Variants in NTM observed in about 807,000 individuals in gnomAD.
The protein encoded by NTM is IgLON family member 2.
A neutral mutation model predicts 42.1 loss-of-function variants in NTM; 13 were observed. The observed-to-expected ratio is 0.31, with a 90% CI of 0.20 to 0.49. The LOEUF is 0.49. NTM is among the 20% of genes least tolerant of loss of function. The pLI, the probability that NTM is intolerant of heterozygous loss-of-function variation, is 0.99. For synonymous variants in NTM, 187 were observed against 179.2 expected (o/e 1.04, Z -0.35); for missense variants, 373 against 452.8 (o/e 0.82, Z 1.60).
intron 2 of NTM, among the ~76,000 whole-genome samples, chr11:132,107,938 C>A (rs1263656421): frequency 2.0e-5 from 3 of 152,220 alleles, no homozygotes; most frequent in Admixed American, 2.0e-4. Flanking sequence ...TTTGCTCCAA[C>A]ATCTCCACTG....
intron 1 of NTM, among the ~76,000 whole-genome samples, chr11:131,511,022 T>A (rs1318010636): frequency 1.4e-4 from 21 of 152,004 alleles, no homozygotes; most frequent in Admixed American, 1.4e-3. Flanking sequence ...GAAGTCACCC[T>A]CTCGGGAACT....
In NTM at chr11:132,090,426, C is replaced by T. The variant is rs574796050; in HGVS notation, c.168-55856C>T. ...TACCCAGGGTATGAGTCTTCCAGTG[C>T]CCCACCCTCTCAGTGTTACCTTCCC... is the stretch of plus-strand genomic sequence containing the variant. On this transcript the variant is annotated intron_variant, in intron 2 of 8. Coordinates refer to ENST00000683400, the MANE Select transcript of NTM (RefSeq NM_001352005.2). Among the ~76,000 whole-genome samples, 352 of 152,194 alleles carry T rather than the reference C, an allele frequency of 2.3e-3. 5 individuals are homozygous for T. Among genetic ancestry groups the T allele is most frequent in the African/African-American group, 7.9e-3 (327 of 41,544 alleles).
intron 1 of NTM, among the ~76,000 whole-genome samples, chr11:131,399,443 G>A (rs975012970): frequency 6.6e-6 from 1 of 152,162 alleles, no homozygotes; most frequent in African/African-American, 2.4e-5. Flanking sequence ...TAGGTGCTAG[G>A]TACAACCCCA....
At chr11:132,310,860 A>T (rs574273892) in intron 6 of NTM, among the ~76,000 whole-genome samples, 1 of 152,208 alleles carries the variant, frequency 6.6e-6, no homozygotes, top group Admixed American at 6.5e-5. Context: ...ATCAAATGAC[A>T]TATCAGTGCA....
chr11:131,743,713 T>C (rs1247462274), intron 1 of NTM, among the ~76,000 whole-genome samples: 1 of 152,160 alleles, frequency 6.6e-6, no homozygotes, highest in African/African-American at 2.4e-5. Flanking sequence ...CAAAAAGCAA[T>C]AAGAATAGGA....
At chr11:132,059,722 C>T (rs1191884973) in intron 2 of NTM, among the ~76,000 whole-genome samples, 1 of 151,916 alleles carries the variant, frequency 6.6e-6, no homozygotes, top group Non-Finnish European at 1.5e-5. Context: ...CGAATCCTCC[C>T]CCGCCCCACA....
chr11:131,932,343 A>G (rs2058718893), intron 2 of NTM, among the ~76,000 whole-genome samples: 1 of 152,226 alleles, frequency 6.6e-6, no homozygotes, highest in Admixed American at 6.5e-5. Flanking sequence ...TCCCTTGCTT[A>G]TCGGTATAGT....
At chr11:131,621,542 A>G (rs2062542923) in intron 1 of NTM, among the ~76,000 whole-genome samples, 1 of 149,882 alleles carries the variant, frequency 6.7e-6, no homozygotes, top group Non-Finnish European at 1.5e-5. Flanking sequence ...GTGTGTGCCT[A>G]TAATCCCAGC....
intron 4 of NTM, among the ~76,000 whole-genome samples, chr11:132,290,398 G>A (rs2094417036): frequency 6.6e-6 from 1 of 152,116 alleles, no homozygotes; most frequent in Non-Finnish European, 1.5e-5. Context: ...GGGCTAAAGA[G>A]TCAGCTATGT....
chr11:131,607,514 T>A (rs2061074891), intron 1 of NTM, among the ~76,000 whole-genome samples: 2 of 152,210 alleles, frequency 1.3e-5, no homozygotes, highest in Admixed American at 1.3e-4. Flanking sequence ...ATTGCAACTT[T>A]GTCATTTTTC....
intron 2 of NTM, among the ~76,000 whole-genome samples, chr11:132,084,671 TAGAA>T (rs1193643582): frequency 2.0e-5 from 3 of 152,360 alleles, no homozygotes; most frequent in African/African-American, 7.2e-5. Flanking sequence ...AAAATTATTT[TAGAA>T]AGACAAAAAC....
chr11:132,124,829 A>T (rs573844286), intron 2 of NTM, among the ~76,000 whole-genome samples: 21 of 152,290 alleles, frequency 1.4e-4, no homozygotes, highest in Non-Finnish European at 2.6e-4. Context: ...AAACAAAAAA[A>T]CAACAACATA....
intron 2 of NTM, among the ~76,000 whole-genome samples, chr11:131,976,660 A>G (rs1354641164): frequency 6.6e-6 from 1 of 152,204 alleles, no homozygotes; most frequent in South Asian, 2.1e-4. Flanking sequence ...AATAGTAAAA[A>G]TAAAATGTCC....
At chr11:131,724,606 G>A (rs1380756947) in intron 1 of NTM, among the ~76,000 whole-genome samples, 3 of 152,170 alleles carry the variant, frequency 2.0e-5, no homozygotes, top group South Asian at 2.1e-4. Context: ...GTAGTTTATC[G>A]TAGCCCACTA....
chr11:131,956,591 G>A (rs935930411), intron 2 of NTM, among the ~76,000 whole-genome samples: 1 of 151,820 alleles, frequency 6.6e-6, no homozygotes, highest in African/African-American at 2.4e-5. Context: ...TCCTTTCATC[G>A]GTGTCTCGGG....
chr11:132,267,540 G>A (rs2093262808), intron 4 of NTM, among the ~76,000 whole-genome samples: 1 of 151,122 alleles, frequency 6.6e-6, no homozygotes, highest in Admixed American at 6.6e-5. Context: ...ATGGGAGCTG[G>A]GTGCATGGCT....
At chr11:131,429,210 G>C (rs944863579) in intron 1 of NTM, among the ~76,000 whole-genome samples, 1 of 152,146 alleles carries the variant, frequency 6.6e-6, no homozygotes, top group Non-Finnish European at 1.5e-5. Flanking sequence ...GAAAATGAAC[G>C]TTGTGATTCC....
chr11:131,755,696 C>A (rs1467520349), intron 1 of NTM, among the ~76,000 whole-genome samples: 1 of 152,154 alleles, frequency 6.6e-6, no homozygotes, highest in African/African-American at 2.4e-5. Context: ...TTCTTTTGAA[C>A]ATGTTTTGCA....
chr11:131,682,411 C>T (rs1348086968), intron 1 of NTM, among the ~76,000 whole-genome samples: 1 of 152,180 alleles, frequency 6.6e-6, no homozygotes, highest in East Asian at 1.9e-4. Context: ...GAAGAGCCTT[C>T]ACCTGCTCCT....
Sources: allele counts gnomAD v4.1 joint callset (sites outside exome capture counted in the v4.1 genomes callset), GRCh38; gene constraint gnomAD v4.1.1; transcripts MANE v1.5; gene names NCBI Gene and HGNC (gene_info 2026-07-23, HGNC 2026-07-21).